NRG3: variants seen among roughly 807,000 people sequenced by gnomAD.
The protein encoded by NRG3 is neuregulin 3, also known as pro-neuregulin-3, membrane-bound isoform.
Under a neutral mutation model 66.9 loss-of-function variants are expected in NRG3, and 31 were observed. The observed-to-expected ratio is 0.46, with a 90% CI of 0.35 to 0.63. The LOEUF (loss-of-function observed/expected upper bound fraction) is 0.63. Ranked by LOEUF, NRG3 falls within the 20% of genes least tolerant of loss-of-function variation. The pLI, the probability that NRG3 is intolerant of heterozygous loss-of-function variation, is 0.00. For synonymous variants in NRG3, 393 were observed against 359.4 expected, an observed-to-expected ratio of 1.09 and a Z score of -1.06; for missense variants, 910 against 878.9, an observed-to-expected ratio of 1.04 and a Z score of -0.45.
At chr10:82,007,111 A>G (rs2061401150) in intron 1 of NRG3, among the ~76,000 whole-genome samples, 1 of 152,132 alleles carries the variant, frequency 6.6e-6, no homozygotes, top group Admixed American at 6.5e-5. Flanking sequence ...TTTTAATCTA[A>G]AAGTCTTACC....
chr10:82,851,214 A>G (rs533186414), intron 3 of NRG3, among the ~76,000 whole-genome samples: 2 of 152,270 alleles, frequency 1.3e-5, no homozygotes, highest in African/African-American at 2.4e-5. Flanking sequence ...GTGTAAACAC[A>G]TTTCGTTTAT....
chr10:82,531,365 C>T (rs896734493), intron 2 of NRG3, among the ~76,000 whole-genome samples: 1 of 151,302 alleles, frequency 6.6e-6, no homozygotes, highest in Non-Finnish European at 1.5e-5. Context: ...ATGATTAGTT[C>T]GATGATGTTA....
chr10:81,935,715 A>T (rs1847792038), intron 1 of NRG3, among the ~76,000 whole-genome samples: 1 of 152,174 alleles, frequency 6.6e-6, no homozygotes, highest in Admixed American at 6.5e-5. Context: ...CTTCTCCCAC[A>T]GTATTCATAT....
In NRG3 at chr10:82,985,192, C is replaced by A. The variant is rs1853331770; in HGVS notation, c.1678C>A (p.Gln560Lys). 1 of 1,614,008 alleles carries A rather than the reference C, an allele frequency of 6.2e-7. No homozygotes were observed. The change falls in exon 9 of 9, where the codon CAA (glutamine) becomes AAA (lysine). Residue 560 changes from glutamine (Q) to lysine (K), a missense_variant. Transcript: ENST00000372141. ...AAACCCCTATTTTAATAGCTTGGAG[C>A]AAAAGGACCTGGTGGGCTATTCATC... is the stretch of plus-strand genomic sequence containing the variant. ...ETNPYFNSLEQKDLVGYSSTR... is the reference protein window; with the variant it reads ...ETNPYFNSLEKKDLVGYSSTR...
chr10:82,883,504 G>A (rs1297261829), intron 4 of NRG3, among the ~76,000 whole-genome samples: 1 of 152,108 alleles, frequency 6.6e-6, no homozygotes, highest in Non-Finnish European at 1.5e-5. Flanking sequence ...ATTCTTGTCT[G>A]TAAGACAGGG....
intron 3 of NRG3, among the ~76,000 whole-genome samples, chr10:82,836,070 T>C (rs2135712556): frequency 6.6e-6 from 1 of 152,226 alleles, no homozygotes; most frequent in East Asian, 1.9e-4. Context: ...ATAATAATAT[T>C]TTGTGACATG....
chr10:82,601,617 T>A (rs1358377587), intron 2 of NRG3, among the ~76,000 whole-genome samples: 2 of 151,940 alleles, frequency 1.3e-5, no homozygotes, highest in Non-Finnish European at 2.9e-5. Flanking sequence ...ATTGGACATT[T>A]GGATGTATCT....
chr10:81,885,908 A>G (rs1431295851), intron 1 of NRG3, among the ~76,000 whole-genome samples: 1 of 152,158 alleles, frequency 6.6e-6, no homozygotes, highest in Non-Finnish European at 1.5e-5. Flanking sequence ...TTTTTAAAAA[A>G]TGGGCTGTAG....
intron 3 of NRG3, among the ~76,000 whole-genome samples, chr10:82,797,924 G>T (rs1160021207): frequency 6.6e-6 from 1 of 152,024 alleles, no homozygotes; most frequent in Non-Finnish European, 1.5e-5. Context: ...TTAATTTTAA[G>T]AAAAACAAGT....
At chr10:82,418,406 A>T (rs1210298673) in intron 2 of NRG3, among the ~76,000 whole-genome samples, 1 of 147,266 alleles carries the variant, frequency 6.8e-6, no homozygotes, top group Non-Finnish European at 1.5e-5. Context: ...ATGTTTATGC[A>T]AATTAACCAG....
chr10:82,466,887 A>G (rs1590227870), intron 2 of NRG3, among the ~76,000 whole-genome samples: 2 of 150,104 alleles, frequency 1.3e-5, no homozygotes, highest in East Asian at 4.0e-4. Context: ...GCTGGGTTTC[A>G]GGATTTGGGG....
At chr10:82,002,623 G>C (rs1291946447) in intron 1 of NRG3, among the ~76,000 whole-genome samples, 1 of 152,126 alleles carries the variant, frequency 6.6e-6, no homozygotes, top group East Asian at 1.9e-4. Context: ...ACCTTCTGCT[G>C]TCTAGGTCCC....
intron 3 of NRG3, among the ~76,000 whole-genome samples, chr10:82,853,854 G>A (rs1166932408): frequency 6.6e-6 from 1 of 152,134 alleles, no homozygotes; most frequent in African/African-American, 2.4e-5. Context: ...AGTGGTGAGA[G>A]TGGGCATCCT....
Position 82,207,851 on chromosome 10 carries a change from A to G in NRG3, c.824-150888A>G, listed in dbSNP as rs114254663. 5.4e-3 allele frequency among the ~76,000 whole-genome samples: 817 copies of G among 152,286 alleles called. 6 individuals are homozygous for G. Among genetic ancestry groups the G allele is most frequent in the African/African-American group, 0.019 (778 of 41,566 alleles). The stretch of plus-strand genomic sequence containing the variant: ...GGGGAGAAACTGCCCCCATGATTCA[A>G]TTACCTCCACCTGGTGTCTCCCTTG... On this transcript the variant is annotated intron_variant, in intron 1 of 8. Coordinates refer to ENST00000372141, the MANE Select transcript of NRG3 (RefSeq NM_001010848.4).
At chr10:82,950,996 T>A (rs1353200093) in intron 4 of NRG3, among the ~76,000 whole-genome samples, 1 of 149,154 alleles carries the variant, frequency 6.7e-6, no homozygotes, top group Non-Finnish European at 1.5e-5. Flanking sequence ...TCAATCATAG[T>A]GATAGTAGGA....
intron 3 of NRG3, among the ~76,000 whole-genome samples, chr10:82,761,029 G>A (rs1464326201): frequency 6.6e-6 from 1 of 151,710 alleles, no homozygotes; most frequent in Non-Finnish European, 1.5e-5. Flanking sequence ...GAAATTGGGT[G>A]CCCACATGAA....
At chr10:82,188,524 C>T (rs974376175) in intron 1 of NRG3, among the ~76,000 whole-genome samples, 3 of 151,998 alleles carry the variant, frequency 2.0e-5, no homozygotes, top group East Asian at 1.9e-4. Flanking sequence ...ACCCACAGAA[C>T]GGGAGAAAAT....
intron 1 of NRG3, among the ~76,000 whole-genome samples, chr10:82,202,738 T>G (rs1486497949): frequency 1.3e-5 from 2 of 152,062 alleles, no homozygotes; most frequent in African/African-American, 4.8e-5. Context: ...CTGTTGAGGT[T>G]TTTTTTGTGT....
intron 2 of NRG3, among the ~76,000 whole-genome samples, chr10:82,583,237 A>G (rs552711915): frequency 6.6e-6 from 1 of 152,284 alleles, no homozygotes; most frequent in Non-Finnish European, 1.5e-5. Context: ...CAGTTTTACA[A>G]AACAATCAAT....
Sources: allele counts gnomAD v4.1 joint callset (sites outside exome capture counted in the v4.1 genomes callset), GRCh38; gene constraint gnomAD v4.1.1; transcripts MANE v1.5; gene names NCBI Gene and HGNC (gene_info 2026-07-23, HGNC 2026-07-21).